The following CSMD1 variants were observed in gnomAD, a reference collection of about 807,000 sequenced individuals.
The protein encoded by CSMD1 is CUB and Sushi multiple domains 1.
A neutral mutation model predicts 417.5 loss-of-function variants in CSMD1; 213 were observed. That is an observed-to-expected ratio of 0.51 (90% confidence interval 0.46 to 0.57). The LOEUF is 0.57. Among genes scored for constraint, CSMD1 ranks in the 20% least tolerant of loss-of-function variants. The pLI is 0.00. For missense variants in CSMD1, 6,923 were observed against 4,529.7 expected, an observed-to-expected ratio of 1.53 and a Z score of -15.17; for synonymous variants, 2,862 against 1,736.8, an observed-to-expected ratio of 1.65 and a Z score of -16.11.
At chr8:3,763,138 G>A (rs1339180326) in intron 5 of CSMD1, among the ~76,000 whole-genome samples, 6 of 152,306 alleles carry the variant, frequency 3.9e-5, no homozygotes, top group Non-Finnish European at 8.8e-5. Context: ...CACATTGGCT[G>A]AATAAGCCAA....
chr8:4,342,181 G>T (rs1315899574), intron 3 of CSMD1, among the ~76,000 whole-genome samples: 1 of 151,036 alleles, frequency 6.6e-6, no homozygotes, highest in Non-Finnish European at 1.5e-5. Flanking sequence ...CTTCCCTTAT[G>T]CAAACTTGGC....
At chr8:3,447,821 A>T (rs1815397132) in intron 12 of CSMD1, among the ~76,000 whole-genome samples, 1 of 152,100 alleles carries the variant, frequency 6.6e-6, no homozygotes, top group African/African-American at 2.4e-5. Context: ...ACTTGGGGCC[A>T]TTTTTGGGTT....
At chr8:4,099,829 T>C (rs1220339818) in intron 3 of CSMD1, among the ~76,000 whole-genome samples, 2 of 152,180 alleles carry the variant, frequency 1.3e-5, no homozygotes, top group African/African-American at 2.4e-5. Context: ...TGTATCCACA[T>C]CTTGCTCCCT....
At chr8:3,590,405 C>T (rs560541988) in intron 8 of CSMD1, among the ~76,000 whole-genome samples, 1 of 152,252 alleles carries the variant, frequency 6.6e-6, no homozygotes, top group East Asian at 1.9e-4. Flanking sequence ...TCTCCAGGAC[C>T]TGAACTCGGC....
intron 10 of CSMD1, among the ~76,000 whole-genome samples, chr8:3,525,075 C>G (rs1234533001): frequency 6.6e-6 from 1 of 152,162 alleles, no homozygotes; most frequent in Admixed American, 6.6e-5. Context: ...GAAAAGCCAA[C>G]TAAAGTGAAT....
intron 11 of CSMD1, among the ~76,000 whole-genome samples, chr8:3,488,781 C>T (rs544364038): frequency 1.3e-5 from 2 of 152,146 alleles, no homozygotes; most frequent in African/African-American, 4.8e-5. Context: ...TTGAGTCTGT[C>T]TATACTGTCA....
chr8:3,125,293 G>C (rs1291598442), intron 41 of CSMD1, among the ~76,000 whole-genome samples: 3 of 152,230 alleles, frequency 2.0e-5, no homozygotes, highest in African/African-American at 7.2e-5. Flanking sequence ...TGAAGGACTT[G>C]CAATGCATCA....
At chr8:4,199,616 C>T (rs1799535182) in intron 3 of CSMD1, among the ~76,000 whole-genome samples, 1 of 152,168 alleles carries the variant, frequency 6.6e-6, no homozygotes, top group Non-Finnish European at 1.5e-5. Context: ...CAACGCCTTG[C>T]ATTTTGCTTT....
chr8:4,355,769 T>C (rs1237956314), intron 3 of CSMD1, among the ~76,000 whole-genome samples: 1 of 152,168 alleles, frequency 6.6e-6, no homozygotes, highest in African/African-American at 2.4e-5. Context: ...TTCTCCAGTG[T>C]CATTCATGGG....
chr8:4,057,700 T>G (rs898491675), intron 3 of CSMD1, among the ~76,000 whole-genome samples: 2 of 151,834 alleles, frequency 1.3e-5, no homozygotes, highest in African/African-American at 4.8e-5. Context: ...TATCTTGAAT[T>G]GATTTCTGTA....
chr8:3,559,093 C>T (rs935701268), intron 10 of CSMD1, among the ~76,000 whole-genome samples: 1 of 152,152 alleles, frequency 6.6e-6, no homozygotes, highest in African/African-American at 2.4e-5. Context: ...GAATAACATC[C>T]TCTGATTTTA....
At chr8:4,908,874 T>C (rs117573437) in intron 1 of CSMD1, among the ~76,000 whole-genome samples, 283 of 152,324 alleles carry the variant, frequency 1.9e-3, no homozygotes, top group Non-Finnish European at 2.9e-3. Flanking sequence ...ATCATAATTG[T>C]TCTAAATTCC....
intron 52 of CSMD1, among the ~76,000 whole-genome samples, chr8:3,016,310 T>C (rs528014086): frequency 3.3e-5 from 5 of 152,354 alleles, no homozygotes; most frequent in African/African-American, 4.8e-5. Context: ...CTTAGAGTCA[T>C]ACAATCTACT....
chr8:3,453,930 T>A (rs1288612526), intron 12 of CSMD1, among the ~76,000 whole-genome samples: 2 of 152,166 alleles, frequency 1.3e-5, no homozygotes, highest in African/African-American at 4.8e-5. Flanking sequence ...TCTCCCATTA[T>A]TATTGTGTGG....
chr8:4,559,114 G>A (rs1274440814), intron 2 of CSMD1, among the ~76,000 whole-genome samples: 1 of 152,064 alleles, frequency 6.6e-6, no homozygotes, highest in African/African-American at 2.4e-5. Flanking sequence ...TACTTCACTG[G>A]GGTTAAATAC....
chr8:4,665,108 G>A (rs1804835682), intron 1 of CSMD1, among the ~76,000 whole-genome samples: 1 of 152,038 alleles, frequency 6.6e-6, no homozygotes, highest in Middle Eastern at 3.4e-3. Context: ...ACCCAGCCCT[G>A]CCCTCTGTAT....
intron 41 of CSMD1, among the ~76,000 whole-genome samples, chr8:3,137,796 T>C (rs1818193875): frequency 6.6e-6 from 1 of 152,246 alleles, no homozygotes. Context: ...TATTTCAGAA[T>C]ATTCTGATCT....
chr8:3,253,365 C>G (rs1199017039), intron 26 of CSMD1, among the ~76,000 whole-genome samples: 2 of 152,060 alleles, frequency 1.3e-5, no homozygotes, highest in African/African-American at 2.4e-5. Flanking sequence ...TTTCTGAGTT[C>G]TGGTTTGATT....
intron 5 of CSMD1, among the ~76,000 whole-genome samples, chr8:3,817,775 C>T (rs1379814308): frequency 6.6e-6 from 1 of 152,030 alleles, no homozygotes; most frequent in East Asian, 1.9e-4. Context: ...CCAAAAGCCC[C>T]AATGCAGACC....
Sources: gnomAD v4.1 joint callset for allele counts (sites outside exome capture counted in the v4.1 genomes callset) on GRCh38, gnomAD v4.1.1 for gene constraint, MANE v1.5 for transcripts, NCBI Gene and HGNC (gene_info 2026-07-23, HGNC 2026-07-21) for gene names.